Variants in DLGAP2 observed in about 807,000 individuals in gnomAD.
DLGAP2 encodes the protein DLG associated protein 2.
DLGAP2 carries 26 observed loss-of-function variants against 100.3 expected under a neutral mutation model. The ratio of observed to expected loss-of-function variants is 0.26; its 90% CI spans 0.19 to 0.36. The LOEUF (loss-of-function observed/expected upper bound fraction) is 0.36. DLGAP2 is among the 10% of genes least tolerant of loss of function. The pLI is 1.00. For synonymous variants in DLGAP2, 886 were observed against 630.1 expected (o/e 1.41, Z -6.08); for missense variants, 1,858 against 1,453.2 (o/e 1.28, Z -4.53).
At chr8:1,269,573 C>T (rs1439577921) in intron 3 of DLGAP2, among the ~76,000 whole-genome samples, 3 of 152,192 alleles carry the variant, frequency 2.0e-5, no homozygotes, top group South Asian at 2.1e-4. Flanking sequence ...CCTAATTGTG[C>T]TCTCCTCTCT....
At position 1,704,565 on chromosome 8, in the gene DLGAP2, T is replaced by C. The variant is rs955882307; in HGVS notation, c.*3159T>C. 2.6e-5 allele frequency: 4 copies of C among 152,334 alleles called. No individual in the cohort carries two copies. Among genetic ancestry groups the C allele is most frequent in the African/African-American group, 4.8e-5 (2 of 41,578 alleles). The allele number at this position is 152,334 out of a possible 1,614,324, so 9.4% of individuals were successfully genotyped here. On this transcript the variant is annotated 3_prime_UTR_variant, in exon 15 of 15. Transcript: ENST00000637795. ...TTGTTATCGATGACAATTTTTACCA[T>C]AGTTTTCTCAGCAAATTTATATCAC...
intron 3 of DLGAP2, among the ~76,000 whole-genome samples, chr8:1,272,654 G>A (rs909172724): frequency 1.3e-5 from 2 of 152,132 alleles, no homozygotes; most frequent in Non-Finnish European, 2.9e-5. Flanking sequence ...CGCTGGACAT[G>A]GGAGATTCGT....
rs923962310 is a variant in DLGAP2, at chr8:835,430, T to G, written c.19-72482T>G. On this transcript the variant is annotated intron_variant, in intron 1 of 14. Transcript: ENST00000637795. ...ATCGCTCCCAGGCCAGGCCCTGTTT[T>G]AGATTCCCCACTGTGCTCCACGCCG... Among the ~76,000 whole-genome samples the G allele has an allele frequency of 2.6e-5, 4 of 152,128 alleles. No homozygotes were observed. The South Asian group carries it at 8.3e-4, about 32-fold the overall frequency.
chr8:858,231 T>C (rs930053940), intron 1 of DLGAP2, among the ~76,000 whole-genome samples: 5 of 152,208 alleles, frequency 3.3e-5, no homozygotes, highest in African/African-American at 1.2e-4. Flanking sequence ...AACTGGCCTA[T>C]CTGGACAAGA....
chr8:1,376,285 G>A (rs1278251205), intron 3 of DLGAP2, among the ~76,000 whole-genome samples: 1 of 152,244 alleles, frequency 6.6e-6, no homozygotes, highest in African/African-American at 2.4e-5. Context: ...CCTCCTAGGA[G>A]ACAAACCAGG....
intron 1 of DLGAP2, among the ~76,000 whole-genome samples, chr8:742,942 C>T (rs374552741): frequency 6.6e-6 from 1 of 152,008 alleles, no homozygotes; most frequent in African/African-American, 2.4e-5. Flanking sequence ...GAATGGTGCA[C>T]GTAGGAAATG....
intron 3 of DLGAP2, among the ~76,000 whole-genome samples, chr8:1,345,026 T>C (rs1801522423): frequency 6.6e-6 from 1 of 152,200 alleles, no homozygotes; most frequent in South Asian, 2.1e-4. Context: ...ATTGGGACCA[T>C]TCATCTTTCA....
intron 2 of DLGAP2, among the ~76,000 whole-genome samples, chr8:919,482 T>A (rs1798663899): frequency 6.6e-6 from 1 of 152,102 alleles, no homozygotes; most frequent in South Asian, 2.1e-4. Flanking sequence ...GCTGATGAGC[T>A]CCAAGGAAAG....
rs1384211475 is a variant in DLGAP2, at chr8:1,330,851, A to G, written c.106+71968A>G. ...GTTCTGGGTGGGAGCACAGCTTCAC[A>G]GGGACTGAGTTCTGGGTGGGAGCAT... is the stretch of plus-strand genomic sequence containing the variant. On this transcript the variant is annotated intron_variant, in intron 3 of 14. Transcript: ENST00000637795. Among the ~76,000 whole-genome samples, 18 of 110,976 alleles carry G rather than the reference A, an allele frequency of 1.6e-4. 1 individual carries two copies. The Admixed American group carries it at 1.7e-3, about 10-fold the overall frequency. 72.8% of individuals were successfully genotyped at this position (110,976 alleles called of 152,430 possible). A position where few individuals can be genotyped will look rare whatever the true frequency, so the allele number is the denominator to read the frequency against.
intron 6 of DLGAP2, among the ~76,000 whole-genome samples, chr8:1,609,603 A>T (rs1796929773): frequency 7.8e-6 from 1 of 128,090 alleles, no homozygotes; most frequent in Non-Finnish European, 1.7e-5. Flanking sequence ...AAGTTGGATA[A>T]AGAGTCAAGA....
chr8:1,598,808 A>G (rs1796537037), intron 6 of DLGAP2, among the ~76,000 whole-genome samples: 1 of 152,116 alleles, frequency 6.6e-6, no homozygotes, highest in African/African-American at 2.4e-5. Context: ...ATCTTTTCAA[A>G]AAACCAGCTT....
At position 1,170,381 on chromosome 8, in the gene DLGAP2, G is replaced by A. The variant is rs923781112; in HGVS notation, c.74-88470G>A. On this transcript the variant is annotated intron_variant, in intron 2 of 14. Coordinates refer to ENST00000637795, the MANE Select transcript of DLGAP2 (RefSeq NM_001346810.2). The stretch of plus-strand genomic sequence containing the variant: ...TGTCTCTGCCAGGCTTTGGTATCAG[G>A]ATGATGCTGGCCTCATAAAATGAGT... 2.4e-4 allele frequency among the ~76,000 whole-genome samples: 37 copies of A among 152,212 alleles called. 1 individual carries two copies. The highest frequency in any genetic ancestry group is 7.0e-4 in the African/African-American group (29 of 41,516).
chr8:1,306,128 G>A (rs1195020071), intron 3 of DLGAP2, among the ~76,000 whole-genome samples: 1 of 144,792 alleles, frequency 6.9e-6, no homozygotes, highest in Admixed American at 7.0e-5. Flanking sequence ...CATCCAAATT[G>A]GAAAGAAGTA....
chr8:1,272,009 T>C lies in DLGAP2; in HGVS notation c.106+13126T>C, dbSNP rs112834312. Among the ~76,000 whole-genome samples the C allele has an allele frequency of 3.8e-3, 573 of 152,190 alleles. 3 individuals are homozygous for C. The highest frequency in any genetic ancestry group is 0.013 in the African/African-American group (538 of 41,494). ...GATTTTTTTTAGTAGAGATGGGATT[T>C]CACTACACGTTGGCCAAGTTGGTCT... On this transcript the variant is annotated intron_variant, in intron 3 of 14. Coordinates refer to ENST00000637795, the MANE Select transcript of DLGAP2 (RefSeq NM_001346810.2).
Position 1,626,770 on chromosome 8 carries a change from G to A in DLGAP2, c.1473G>A (p.Val491=). The A allele has an allele frequency of 6.2e-7, 1 of 1,604,176 alleles. No homozygotes were observed. The part of the protein sequence containing the change: ...TQTYLQAASD[V]PVGHSLDPAA... Reference sequence around the variant, plus strand: ...CCTACCTGCAAGCTGCAAGCGATGTGCCTGTGGGACACAGCCTGGACCCCG... The same window carrying A: ...CCTACCTGCAAGCTGCAAGCGATGTACCTGTGGGACACAGCCTGGACCCCG... The change falls in exon 7 of 15, where the codon GTG becomes GTA. Residue 491 remains valine, a synonymous_variant. Transcript: ENST00000637795.
chr8:1,430,013 T>TATATATATAC (rs1797374149), intron 3 of DLGAP2, among the ~76,000 whole-genome samples: 1 of 76,078 alleles, frequency 1.3e-5, no homozygotes, highest in African/African-American at 4.9e-5. Flanking sequence ...TATACATATA[T>TATATATATAC]ATATATATAT....
rs146522892 is a variant in DLGAP2, at chr8:1,688,587, G to C, written c.2705-2948G>C. ...GGACAACACTTACTGCCGTCTCCAC[G>C]GAATGGGGAGGGAGCTGTGGGTTAT... On this transcript the variant is annotated intron_variant, in intron 12 of 14. Coordinates refer to ENST00000637795, the MANE Select transcript of DLGAP2 (RefSeq NM_001346810.2). Among the ~76,000 whole-genome samples the C allele has an allele frequency of 4.0e-3, 605 of 152,254 alleles. 6 individuals are homozygous for C. The highest frequency in any genetic ancestry group is 0.014 in the African/African-American group (565 of 41,544).
At chr8:1,153,974 T>C (rs1050999445) in intron 2 of DLGAP2, among the ~76,000 whole-genome samples, 1 of 152,172 alleles carries the variant, frequency 6.6e-6, no homozygotes, top group Non-Finnish European at 1.5e-5. Flanking sequence ...ATCTTATTTT[T>C]CAGTAATTTT....
intron 2 of DLGAP2, among the ~76,000 whole-genome samples, chr8:987,150 C>A (rs1255829773): frequency 6.6e-6 from 1 of 152,154 alleles, no homozygotes; most frequent in Non-Finnish European, 1.5e-5. Context: ...TGCTCTCCTT[C>A]CTATTCAGTG....
Sources: gnomAD v4.1 joint callset for allele counts (sites outside exome capture counted in the v4.1 genomes callset) on GRCh38, gnomAD v4.1.1 for gene constraint, MANE v1.5 for transcripts, NCBI Gene and HGNC (gene_info 2026-07-23, HGNC 2026-07-21) for gene names.